Variants in GABRG3 observed in about 807,000 individuals in gnomAD.
GABRG3 encodes the protein gamma-aminobutyric acid receptor subunit gamma-3.
A neutral mutation model predicts 48.8 loss-of-function variants in GABRG3; 25 were observed. That is an observed-to-expected ratio of 0.51 (90% confidence interval 0.37 to 0.72). The LOEUF (loss-of-function observed/expected upper bound fraction) is 0.72. Among genes scored for constraint, GABRG3 ranks in the 30% least tolerant of loss-of-function variants. The pLI is 0.00. For missense variants in GABRG3, 394 were observed against 577.9 expected, an observed-to-expected ratio of 0.68 and a Z score of 3.26; for synonymous variants, 227 against 217.6, an observed-to-expected ratio of 1.04 and a Z score of -0.38.
At chr15:27,174,105 C>T (rs187449828) in intron 3 of GABRG3, among the ~76,000 whole-genome samples, 3 of 151,760 alleles carry the variant, frequency 2.0e-5, no homozygotes, top group Admixed American at 2.0e-4. Context: ...TAAAAAAAAA[C>T]GAATGGCAAT....
rs114801951 is a variant in GABRG3 at position 27,465,107 on chromosome 15, C to A, written c.575-15543C>A. On this transcript the variant is annotated intron_variant, in intron 5 of 9. Transcript: ENST00000615808. ...CCCGTGAATGTTTCCCCAGCCTGCA[C>A]GGATCAAGGGTGATGAAGCTGCTGC... is the stretch of plus-strand genomic sequence containing the variant. Among the ~76,000 whole-genome samples the A allele has an allele frequency of 3.9e-3, 588 of 152,304 alleles. 4 individuals carry two copies. The highest frequency in any genetic ancestry group is 0.013 in the African/African-American group (548 of 41,580).
At chr15:27,039,995 C>T (rs555055303) in intron 3 of GABRG3, among the ~76,000 whole-genome samples, 6 of 152,348 alleles carry the variant, frequency 3.9e-5, no homozygotes, top group Non-Finnish European at 8.8e-5. Context: ...CCCTCCATCC[C>T]ACTTAATTCT....
At chr15:27,054,945 C>T (rs1896516264) in intron 3 of GABRG3, among the ~76,000 whole-genome samples, 1 of 150,782 alleles carries the variant, frequency 6.6e-6, no homozygotes, top group Non-Finnish European at 1.5e-5. Flanking sequence ...AAAGCAAGAG[C>T]GTCAAACCTG....
chr15:27,048,282 G>A (rs886347556), intron 3 of GABRG3, among the ~76,000 whole-genome samples: 2 of 152,088 alleles, frequency 1.3e-5, no homozygotes, highest in African/African-American at 4.8e-5. Flanking sequence ...GACATGGTTT[G>A]TGTGCCAGCC....
chr15:27,025,168 G>A (rs1895963752), intron 2 of GABRG3, among the ~76,000 whole-genome samples: 1 of 151,770 alleles, frequency 6.6e-6, no homozygotes. Context: ...TACATTTGCC[G>A]CTGCTCACTG....
In GABRG3 at chr15:27,491,810, G is replaced by A. The variant is rs140459404; in HGVS notation, c.712+11023G>A. Among the ~76,000 whole-genome samples, 877 of 152,284 alleles carry A rather than the reference G, an allele frequency of 5.8e-3. 7 individuals are homozygous for A. The highest frequency in any genetic ancestry group is 0.019 in the African/African-American group (782 of 41,554). ...GAAAAGCCTCACTGAAGAATTACGA[G>A]GACATTGAAAGTCACCTCTGTTACT... On this transcript the variant is annotated intron_variant, in intron 6 of 9. Transcript: ENST00000615808.
At chr15:27,410,189 TTAGTC>T (rs1362926108) in intron 5 of GABRG3, among the ~76,000 whole-genome samples, 1 of 152,226 alleles carries the variant, frequency 6.6e-6, no homozygotes, top group Non-Finnish European at 1.5e-5. Context: ...TTTTTCTTCT[TTAGTC>T]TATTGTTACG....
At chr15:27,042,501 G>A (rs1468382702) in intron 3 of GABRG3, among the ~76,000 whole-genome samples, 3 of 152,206 alleles carry the variant, frequency 2.0e-5, no homozygotes, top group Non-Finnish European at 4.4e-5. Context: ...GAGGATGCCC[G>A]TTGCCTCCCT....
intron 3 of GABRG3, among the ~76,000 whole-genome samples, chr15:27,318,271 T>A (rs1206144334): frequency 6.6e-6 from 1 of 152,002 alleles, no homozygotes; most frequent in Non-Finnish European, 1.5e-5. Context: ...AGCCACGTCA[T>A]TTTTTTTCTC....
Position 27,145,151 on chromosome 15 carries a change from TAAGGAATGAACCATATACAGGGA to T in GABRG3, c.270+118333_270+118355del, listed in dbSNP as rs1898175133. ...GGAATGAACCATATACAGGGAAAAA[TAAGGAATGAACCATATACAGGGA>T]AAAAACCGTCAATAGAAACTGTCCA... On this transcript the variant is annotated intron_variant, in intron 3 of 9. Coordinates refer to ENST00000615808, the MANE Select transcript of GABRG3 (RefSeq NM_033223.5). 2.9e-5 allele frequency among the ~76,000 whole-genome samples: 3 copies of T among 104,504 alleles called. No individual in the cohort carries two copies. The South Asian group carries it at 9.4e-4, about 33-fold the overall frequency. The allele number at this position is 104,504 out of a possible 152,430, so 68.6% of individuals were successfully genotyped here.
intron 3 of GABRG3, among the ~76,000 whole-genome samples, chr15:27,149,636 G>A (rs1162486258): frequency 6.6e-6 from 1 of 152,126 alleles, no homozygotes; most frequent in African/African-American, 2.4e-5. Context: ...ATAACGATAG[G>A]CATATGCATA....
Position 27,115,492 on chromosome 15 carries a change from G to A in GABRG3, c.270+88671G>A, listed in dbSNP as rs142387232. Among the ~76,000 whole-genome samples the A allele has an allele frequency of 2.0e-4, 30 of 152,216 alleles. No homozygotes were observed. The East Asian group carries it at 3.9e-3, about 20-fold the overall frequency. ...CAACCCAAACAGCAGATACTTCTGC[G>A]TTTCTCATCAATAAACAATGCTGAA... On this transcript the variant is annotated intron_variant, in intron 3 of 9. Transcript: ENST00000615808.
At chr15:27,497,431 G>A (rs752123647) in intron 6 of GABRG3, among the ~76,000 whole-genome samples, 25 of 152,104 alleles carry the variant, frequency 1.6e-4, no homozygotes, top group Admixed American at 3.3e-4. Flanking sequence ...TGTCTTTCCC[G>A]CAATATCTTA....
intron 3 of GABRG3, among the ~76,000 whole-genome samples, chr15:27,227,530 T>A (rs542021812): frequency 3.6e-4 from 55 of 152,040 alleles, no homozygotes; most frequent in African/African-American, 1.1e-3. Context: ...AAATATATAT[T>A]TTTTAAATTA....
chr15:27,273,923 C>T (rs1297862489), intron 3 of GABRG3, among the ~76,000 whole-genome samples: 2 of 152,142 alleles, frequency 1.3e-5, no homozygotes, highest in Non-Finnish European at 2.9e-5. Context: ...CTAGGTGGTT[C>T]TAGCTCATGG....
chr15:27,361,254 C>T (rs939954974), intron 5 of GABRG3, among the ~76,000 whole-genome samples: 6 of 152,178 alleles, frequency 3.9e-5, no homozygotes, highest in Admixed American at 3.3e-4. Context: ...GTTGTGAATG[C>T]GGTGGCCACT....
chr15:26,996,171 T>C (rs1329189890), intron 2 of GABRG3, among the ~76,000 whole-genome samples: 2 of 152,162 alleles, frequency 1.3e-5, no homozygotes, highest in African/African-American at 4.8e-5. Flanking sequence ...TATTATCTTT[T>C]ATGACAATCT....
intron 3 of GABRG3, among the ~76,000 whole-genome samples, chr15:27,190,512 G>A (rs546080329): frequency 7.2e-5 from 11 of 152,208 alleles, no homozygotes; most frequent in South Asian, 2.1e-4. Context: ...GTTTATTTGC[G>A]TAGAGGTGTT....
At chr15:27,193,601 G>A (rs1888402280) in intron 3 of GABRG3, among the ~76,000 whole-genome samples, 3 of 152,162 alleles carry the variant, frequency 2.0e-5, no homozygotes, top group Admixed American at 1.3e-4. Context: ...GGAGTAACCC[G>A]ATTTTCCAGG....
Sources: gnomAD v4.1 joint callset for allele counts (sites outside exome capture counted in the v4.1 genomes callset) on GRCh38, gnomAD v4.1.1 for gene constraint, MANE v1.5 for transcripts, NCBI Gene and HGNC (gene_info 2026-07-23, HGNC 2026-07-21) for gene names.